Variants in COL11A1 observed in about 807,000 individuals in gnomAD.
COL11A1 encodes the protein collagen alpha-1(XI) chain.
A neutral mutation model predicts 265.2 loss-of-function variants in COL11A1; 74 were observed. The ratio of observed to expected loss-of-function variants is 0.28; its 90% CI spans 0.23 to 0.34. The LOEUF is 0.34. Ranked by LOEUF, COL11A1 falls within the 10% of genes least tolerant of loss-of-function variation. The pLI is 1.00. For missense variants in COL11A1, 2,165 were observed against 2,263.6 expected, an observed-to-expected ratio of 0.96 and a Z score of 0.88; for synonymous variants, 816 against 727.6, an observed-to-expected ratio of 1.12 and a Z score of -1.96.
intron 35 of COL11A1, among the ~76,000 whole-genome samples, chr1:102,976,342 A>G (rs1302526905): frequency 1.0e-5 from 1 of 99,454 alleles, no homozygotes; most frequent in Non-Finnish European, 1.9e-5. Flanking sequence ...TCTGTTGCCC[A>G]GGCTGGAGTG....
At chr1:102,959,072 C>T (rs1410027827) in intron 41 of COL11A1, among the ~76,000 whole-genome samples, 1 of 152,190 alleles carries the variant, frequency 6.6e-6, no homozygotes, top group Admixed American at 6.5e-5. Context: ...CGGCTCACTC[C>T]AATGTTGACA....
chr1:103,010,849 T>C (rs1666060504), intron 14 of COL11A1, among the ~76,000 whole-genome samples: 2 of 152,064 alleles, frequency 1.3e-5, no homozygotes, highest in South Asian at 2.1e-4. Flanking sequence ...TACAGGCATG[T>C]GCCACCACAC....
chr1:103,052,296 A>C (rs2102142842), intron 4 of COL11A1, among the ~76,000 whole-genome samples: 1 of 152,292 alleles, frequency 6.6e-6, no homozygotes, highest in African/African-American at 2.4e-5. Context: ...CCTCTACTTA[A>C]GGAATGTTCT....
intron 4 of COL11A1, among the ~76,000 whole-genome samples, chr1:103,058,892 G>T (rs1670440894): frequency 6.6e-6 from 1 of 151,970 alleles, no homozygotes; most frequent in African/African-American, 2.4e-5. Context: ...CTGCTATGGT[G>T]ATCTGTGATC....
At chr1:102,991,368 C>T (rs1664109153) in intron 28 of COL11A1, among the ~76,000 whole-genome samples, 1 of 152,096 alleles carries the variant, frequency 6.6e-6, no homozygotes, top group African/African-American at 2.4e-5. Context: ...AAACTGGTCA[C>T]ATCAATTTTT....
chr1:102,967,227 CTTTTTTTTTTTTT>C lies in COL11A1; in HGVS notation c.2863-1700_2863-1688del, dbSNP rs35303945. 4.5e-4 allele frequency among the ~76,000 whole-genome samples: 24 copies of C among 52,760 alleles called. No individual in the cohort carries two copies. The South Asian group carries it at 0.019, about 43-fold the overall frequency. 34.6% of individuals were successfully genotyped at this position (52,760 alleles called of 152,430 possible). On this transcript the variant is annotated intron_variant, in intron 37 of 66. Transcript: ENST00000370096. Reference sequence around the variant, plus strand: ...CCCACAAAACCAAACATAATAAATTCTTTTTTTTTTTTTTTTTTTTTTTTTTTTTTTGAGACGG... The same window carrying C: ...CCCACAAAACCAAACATAATAAATTCTTTTTTTTTTTTTTTTTTGAGACGG...
intron 54 of COL11A1, among the ~76,000 whole-genome samples, chr1:102,906,368 C>G (rs936917624): frequency 6.6e-6 from 1 of 152,124 alleles, no homozygotes; most frequent in Non-Finnish European, 1.5e-5. Context: ...TTATAGGTTG[C>G]AAATAATGTT....
chr1:103,099,312 G>A (rs1283899876), intron 1 of COL11A1, among the ~76,000 whole-genome samples: 2 of 151,366 alleles, frequency 1.3e-5, no homozygotes, highest in East Asian at 1.9e-4. Flanking sequence ...TTTCTTGTTT[G>A]GAGATGGTAC....
At chr1:103,052,962 C>A (rs533480726) in intron 4 of COL11A1, among the ~76,000 whole-genome samples, 6 of 152,178 alleles carry the variant, frequency 3.9e-5, no homozygotes, top group Non-Finnish European at 8.8e-5. Context: ...AAGATGATTT[C>A]TTCTTTAAAA....
chr1:103,028,281 G>T (rs1318779346), intron 5 of COL11A1, among the ~76,000 whole-genome samples: 3 of 152,048 alleles, frequency 2.0e-5, no homozygotes, highest in African/African-American at 4.8e-5. Flanking sequence ...TGATCCGCCC[G>T]CTTCGGCCTC....
rs139205890 is a variant in COL11A1 at position 102,911,985 on chromosome 1, G to C, written c.4086+174C>G. Among the ~76,000 whole-genome samples the C allele has an allele frequency of 0.032, 4,937 of 152,280 alleles. 111 individuals are homozygous for C. The highest frequency in any genetic ancestry group is 0.085 in the Middle Eastern group (25 of 294). On this transcript the variant is annotated intron_variant, in intron 54 of 66. Transcript: ENST00000370096. ...TCATTTTTATTGTGACAGTGAAATA[G>C]TTAGAATATGTTCTATTTTAGTTAT...
intron 3 of COL11A1, among the ~76,000 whole-genome samples, chr1:103,075,469 T>C (rs1233833146): frequency 6.6e-6 from 1 of 152,116 alleles, no homozygotes; most frequent in Non-Finnish European, 1.5e-5. Flanking sequence ...AGTCAACGCA[T>C]GTGTGGAATG....
At chr1:103,045,337 ATAGACTTGCTTTTC>A (rs958533221) in intron 4 of COL11A1, among the ~76,000 whole-genome samples, 44 of 152,318 alleles carry the variant, frequency 2.9e-4, no homozygotes, top group African/African-American at 1.0e-3. Context: ...CTTGAAAGAA[ATAGACTTGCTTTTC>A]TAGTTATGCT....
At position 103,021,905 on chromosome 1, in the gene COL11A1, T is replaced by G. The variant is rs1667110677; in HGVS notation, c.1246-136A>C. On this transcript the variant is annotated intron_variant, in intron 8 of 66. Transcript: ENST00000370096. ...CTCTGTTGCCCAGGTTAGAGTGCAG[T>G]GGCTCGATCTCCGCTCACTGCAAGC... is the stretch of plus-strand genomic sequence containing the variant. The G allele has an allele frequency of 1.2e-5, 8 of 687,522 alleles. No individual in the cohort carries two copies. In the South Asian group the frequency reaches 1.4e-4, roughly 12 times the overall value. The allele number at this position is 687,522 out of a possible 1,614,324, so 42.6% of individuals were successfully genotyped here.
intron 1 of COL11A1, among the ~76,000 whole-genome samples, chr1:103,084,879 T>C (rs1672731346): frequency 6.6e-6 from 1 of 152,238 alleles, no homozygotes; most frequent in South Asian, 2.1e-4. Context: ...TACAGTCTAT[T>C]TCTGATCACA....
intron 14 of COL11A1, among the ~76,000 whole-genome samples, chr1:103,009,464 C>T (rs1433872245): frequency 6.6e-6 from 1 of 151,990 alleles, no homozygotes; most frequent in Non-Finnish European, 1.5e-5. Context: ...GTAACAACAA[C>T]CTGGCATGTG....
intron 4 of COL11A1, among the ~76,000 whole-genome samples, chr1:103,041,717 T>G (rs916971556): frequency 7.2e-5 from 11 of 151,970 alleles, no homozygotes; most frequent in Non-Finnish European, 4.4e-5. Context: ...AAACAAAAAT[T>G]ATGTTTTGGT....
chr1:102,926,494 C>T (rs1439567168), intron 46 of COL11A1, among the ~76,000 whole-genome samples: 1 of 152,070 alleles, frequency 6.6e-6, no homozygotes, highest in African/African-American at 2.4e-5. Context: ...TTGCTAATAT[C>T]TATTCTGCCA....
At chr1:102,983,770 T>A (rs1476341214) in intron 31 of COL11A1, among the ~76,000 whole-genome samples, 1 of 152,108 alleles carries the variant, frequency 6.6e-6, no homozygotes, top group Admixed American at 6.6e-5. Context: ...GGTGTATTAA[T>A]TTTAAAAACT....
Sources: gnomAD v4.1 joint callset for allele counts (sites outside exome capture counted in the v4.1 genomes callset) on GRCh38, gnomAD v4.1.1 for gene constraint, MANE v1.5 for transcripts, NCBI Gene and HGNC (gene_info 2026-07-23, HGNC 2026-07-21) for gene names.